ANK2: variants seen among roughly 807,000 people sequenced by gnomAD.
ANK2 encodes the protein ankyrin 2, also known as ankyrin-2.
Under a neutral mutation model 360.5 loss-of-function variants are expected in ANK2, and 83 were observed. That is an observed-to-expected ratio of 0.23 (90% CI 0.19 to 0.28). The LOEUF is 0.28. Among genes scored for constraint, ANK2 ranks in the 10% least tolerant of loss-of-function variants. The probability of loss-of-function intolerance (pLI) is 1.00; values close to 1 mark genes in which losing one functional copy is unlikely to be tolerated. For missense variants in ANK2, 4,201 were observed against 4,795.7 expected (o/e 0.88, Z 3.66); for synonymous variants, 1,740 against 1,759.5 (o/e 0.99, Z 0.28).
chr4:113,354,186 T>A lies in ANK2; in HGVS notation c.5568T>A (p.Pro1856=), dbSNP rs1250805037. 3 of 1,614,018 alleles carry A rather than the reference T, an allele frequency of 1.9e-6. No homozygotes were observed. Among genetic ancestry groups the A allele is most frequent in the Admixed American group, 1.7e-5 (1 of 60,000 alleles). The part of the protein sequence containing the change: ...SPSSKTEKHS[P]VSPSAKTERH... ...CAAGTAAAACTGAGAAACACTCACC[T>A]GTGTCACCCTCTGCAAAAACGGAAA... The change falls in exon 38 of 46, where the codon CCT becomes CCA. Residue 1856 remains proline (P), a synonymous_variant. Transcript: ENST00000357077.
At chr4:112,955,820 T>C (rs1036761029) in intron 2 of ANK2, among the ~76,000 whole-genome samples, 11 of 152,192 alleles carry the variant, frequency 7.2e-5, no homozygotes, top group African/African-American at 2.7e-4. Context: ...TTTGGAAGCT[T>C]GTATGGATGT....
rs547169953 is a variant in ANK2, at chr4:113,347,361, G to A, written c.4372-915G>A. Among the ~76,000 whole-genome samples the A allele has an allele frequency of 5.9e-5, 9 of 152,272 alleles. 1 individual carries two copies. In the South Asian group the frequency reaches 1.5e-3, roughly 25 times the overall value. The stretch of plus-strand genomic sequence containing the variant: ...TCATTGTATTTTGATGGTGCAGAAT[G>A]TATTTTGGGGTTTGTATTGCTGATT... On this transcript the variant is annotated intron_variant, in intron 35 of 45. Transcript: ENST00000357077.
At chr4:113,193,154 A>AT in intron 2 of ANK2, among the ~76,000 whole-genome samples, 1 of 152,284 alleles carries the variant, frequency 6.6e-6, no homozygotes, top group East Asian at 1.9e-4. Flanking sequence ...CATTGTAAAT[A>AT]TTTTTAAGTT....
intron 1 of ANK2, among the ~76,000 whole-genome samples, chr4:113,055,471 T>C (rs2069210802): frequency 6.6e-6 from 1 of 152,210 alleles, no homozygotes; most frequent in Admixed American, 6.5e-5. Context: ...TCAACAGTCA[T>C]GAAGTTGAGT....
the ANK2 span, among the ~76,000 whole-genome samples, chr4:112,803,095 C>T: frequency 6.6e-6 from 1 of 152,168 alleles, no homozygotes; most frequent in Non-Finnish European, 1.5e-5. Flanking sequence ...GTCTCGACAT[C>T]TGCCTCTTCC....
chr4:112,809,988 T>G, the ANK2 span, among the ~76,000 whole-genome samples: 1 of 151,720 alleles, frequency 6.6e-6, no homozygotes, highest in Non-Finnish European at 1.5e-5. Flanking sequence ...CCTGTATATT[T>G]CTTATCTAGG....
chr4:113,287,852 A>C lies in ANK2; in HGVS notation c.2178+149A>C. 2.0e-5 allele frequency: 15 copies of C among 740,546 alleles called. No homozygotes were observed. In the South Asian group the frequency reaches 2.1e-4, roughly 10 times the overall value. The allele number at this position is 740,546 out of a possible 1,614,324, so 45.9% of individuals were successfully genotyped here. On this transcript the variant is annotated intron_variant, in intron 19 of 45. Transcript: ENST00000357077. The stretch of plus-strand genomic sequence containing the variant: ...AATCATAACCCTCTCCTATGCACAA[A>C]TCTATGGTGGCTCCCCATTTTTTGC...
intron 1 of ANK2, among the ~76,000 whole-genome samples, chr4:112,868,179 T>C (rs2071426442): frequency 2.6e-5 from 4 of 152,250 alleles, no homozygotes; most frequent in African/African-American, 9.6e-5. Context: ...TTTCATGTGC[T>C]TGTCAGGTCA....
intron 41 of ANK2, among the ~76,000 whole-genome samples, chr4:113,366,491 A>G (rs1443208481): frequency 1.5e-4 from 21 of 138,334 alleles, no homozygotes; most frequent in Non-Finnish European, 3.0e-5. Context: ...TTAACTGTTG[A>G]GCAAGAGCCT....
chr4:113,208,415 A>C (rs1370389156), intron 4 of ANK2, among the ~76,000 whole-genome samples: 2 of 152,034 alleles, frequency 1.3e-5, no homozygotes, highest in Admixed American at 6.5e-5. Context: ...CGATAGTGTC[A>C]ATAGATCTCT....
chr4:113,336,380 A>T (rs1358882618), intron 30 of ANK2, 197 bp from the exon 31 acceptor site: 9 of 604,950 alleles, frequency 1.5e-5, no homozygotes, highest in African/African-American at 7.4e-5. Context: ...CTGCCATCAG[A>T]GATCGTGGAT....
the ANK2 span, among the ~76,000 whole-genome samples, chr4:112,809,468 G>A: frequency 6.6e-6 from 1 of 150,860 alleles, no homozygotes; most frequent in South Asian, 2.1e-4. Context: ...GGCTGAGGCA[G>A]GAGAATGGCG....
At chr4:112,949,119 G>A (rs1220213532) in intron 2 of ANK2, among the ~76,000 whole-genome samples, 1 of 152,082 alleles carries the variant, frequency 6.6e-6, no homozygotes, top group Non-Finnish European at 1.5e-5. Flanking sequence ...CAGTGTTCTT[G>A]GGCTGTGCCT....
intron 2 of ANK2, among the ~76,000 whole-genome samples, chr4:113,176,608 T>C (rs558317949): frequency 1.1e-3 from 163 of 151,936 alleles, no homozygotes; most frequent in African/African-American, 3.8e-3. Flanking sequence ...GAAATATTTA[T>C]TTATTTATTT....
the ANK2 span, among the ~76,000 whole-genome samples, chr4:112,785,649 T>C: frequency 0.96 from 145,268 of 152,014 alleles, 69,452 homozygotes; most frequent in East Asian, 1. Context: ...GGATTACAAG[T>C]GTGAGCCACT....
chr4:112,855,739 GAC>G (rs1435548848), intron 1 of ANK2, among the ~76,000 whole-genome samples: 1 of 152,196 alleles, frequency 6.6e-6, no homozygotes, highest in Non-Finnish European at 1.5e-5. Context: ...TCTGGAGAGT[GAC>G]AGAGCCAGTG....
At chr4:113,238,216 G>C (rs1357144332) in intron 7 of ANK2, among the ~76,000 whole-genome samples, 3 of 152,124 alleles carry the variant, frequency 2.0e-5, no homozygotes, top group Non-Finnish European at 4.4e-5. Context: ...AAGTTCAGAA[G>C]CCTCTCAGTA....
chr4:113,014,272 G>A (rs987406637), intron 2 of ANK2, among the ~76,000 whole-genome samples: 2 of 152,126 alleles, frequency 1.3e-5, no homozygotes, highest in African/African-American at 4.8e-5. Flanking sequence ...AGATAAAAAA[G>A]CCAACATATT....
chr4:113,308,520 A>G (rs1434214074), intron 23 of ANK2, among the ~76,000 whole-genome samples: 2 of 152,238 alleles, frequency 1.3e-5, no homozygotes, highest in Non-Finnish European at 2.9e-5. Flanking sequence ...GATGGAAAAT[A>G]TCAACATTTA....
Sources: gnomAD v4.1 joint callset for allele counts (sites outside exome capture counted in the v4.1 genomes callset) on GRCh38, gnomAD v4.1.1 for gene constraint, MANE v1.5 for transcripts, NCBI Gene and HGNC (gene_info 2026-07-23, HGNC 2026-07-21) for gene names.